The following ATP8A2 variants were observed in gnomAD, a reference collection of about 807,000 sequenced individuals.
ATP8A2 encodes the protein ATPase phospholipid transporting 8A2.
A neutral mutation model predicts 165.6 loss-of-function variants in ATP8A2; 100 were observed. The ratio of observed to expected loss-of-function variants is 0.60; its 90% CI spans 0.51 to 0.71. ATP8A2 has a LOEUF of 0.71. Among genes scored for constraint, ATP8A2 ranks in the 30% least tolerant of loss-of-function variants. The probability of loss-of-function intolerance (pLI) is 0.00; values close to 1 mark genes in which losing one functional copy is unlikely to be tolerated. For synonymous variants in ATP8A2, 543 were observed against 548.8 expected (o/e 0.99, Z 0.15); for missense variants, 1,227 against 1,479.5 (o/e 0.83, Z 2.80).
intron 27 of ATP8A2, among the ~76,000 whole-genome samples, chr13:25,792,704 C>T (rs368246777): frequency 7.3e-5 from 11 of 151,438 alleles, no homozygotes; most frequent in Admixed American, 2.6e-4. Flanking sequence ...TCAGCCTAGG[C>T]GTTCAAGAGC....
At chr13:25,818,337 A>G (rs1390435447) in intron 27 of ATP8A2, among the ~76,000 whole-genome samples, 2 of 152,218 alleles carry the variant, frequency 1.3e-5, no homozygotes, top group Non-Finnish European at 2.9e-5. Flanking sequence ...ATTTTGTTCA[A>G]GTGACCATCT....
rs564532915 is a variant in ATP8A2 at position 25,689,748 on chromosome 13, G to A, written c.2212-9425G>A. Among the ~76,000 whole-genome samples, 327 of 152,262 alleles carry A rather than the reference G, an allele frequency of 2.1e-3. 2 individuals are homozygous for A. Among genetic ancestry groups the A allele is most frequent in the Admixed American group, 4.3e-3 (66 of 15,306 alleles). On this transcript the variant is annotated intron_variant, in intron 24 of 36. Coordinates refer to ENST00000381655, the MANE Select transcript of ATP8A2 (RefSeq NM_016529.6). ...GAGATCCACTCTGGGCAAATGGTGT[G>A]ACAAGCAACTGTTCCGTGGGATTAT...
intron 2 of ATP8A2, among the ~76,000 whole-genome samples, chr13:25,487,857 T>TC (rs999908473): frequency 2.0e-5 from 3 of 152,062 alleles, no homozygotes; most frequent in Non-Finnish European, 4.4e-5. Context: ...CTTTTTTTTT[T>TC]TGTAATAGCC....
intron 33 of ATP8A2, chr13:25,944,915 T>A (rs1454014682): frequency 2.0e-5 from 3 of 152,196 alleles, no homozygotes; most frequent in African/African-American, 7.2e-5. Context: ...GAGCTTTATT[T>A]CCTTTATCTG....
intron 2 of ATP8A2, among the ~76,000 whole-genome samples, chr13:25,504,939 C>T (rs374263560): frequency 3.1e-4 from 47 of 152,018 alleles, no homozygotes; most frequent in East Asian, 1.2e-3. Context: ...CTATTAACTT[C>T]GGTTTGTATT....
intron 35 of ATP8A2, among the ~76,000 whole-genome samples, chr13:25,987,988 G>A (rs780411922): frequency 3.3e-5 from 5 of 152,224 alleles, no homozygotes; most frequent in African/African-American, 4.8e-5. Flanking sequence ...TTTGGATGAT[G>A]CAGTATTTTT....
At chr13:25,423,065 T>G (rs2034345115) in intron 1 of ATP8A2, among the ~76,000 whole-genome samples, 1 of 152,148 alleles carries the variant, frequency 6.6e-6, no homozygotes, top group Admixed American at 6.6e-5. Flanking sequence ...TTCACGTGTC[T>G]TCTTTCACTG....
intron 27 of ATP8A2, among the ~76,000 whole-genome samples, chr13:25,802,926 A>G (rs1950651302): frequency 6.6e-6 from 1 of 151,808 alleles, no homozygotes; most frequent in Admixed American, 6.6e-5. Context: ...ATAAAAACTA[A>G]TTTGTATGCT....
intron 33 of ATP8A2, among the ~76,000 whole-genome samples, chr13:25,915,961 T>A (rs1954257547): frequency 1.3e-5 from 2 of 152,270 alleles, no homozygotes; most frequent in African/African-American, 4.8e-5. Context: ...CAAGAAATTT[T>A]TCTTTTTTTC....
rs1395840083 is a variant in ATP8A2 at position 25,717,423 on chromosome 13, A to AAAAAAC, written c.2384+18083_2384+18084insCAAAAA. On this transcript the variant is annotated intron_variant, in intron 25 of 36. Coordinates refer to ENST00000381655, the MANE Select transcript of ATP8A2 (RefSeq NM_016529.6). ...CCATATGATCCTGAAAAAACTAAAA[A>AAAAAAC]AAAAAAAAAAAAACACCAAGGTAGG... Among the ~76,000 whole-genome samples, 65 of 151,332 alleles carry AAAAAAC rather than the reference A, an allele frequency of 4.3e-4. No individual in the cohort carries two copies. The East Asian group carries it at 0.01, about 24-fold the overall frequency.
At chr13:25,983,588 C>G (rs4770891) in intron 35 of ATP8A2, among the ~76,000 whole-genome samples, 12,109 of 152,158 alleles carry the variant, frequency 0.08, 489 homozygotes, top group South Asian at 0.12. Flanking sequence ...AGTTTTCTCC[C>G]TAATCTTCAG....
chr13:25,877,743 T>C (rs1471711519), intron 33 of ATP8A2, among the ~76,000 whole-genome samples: 1 of 152,230 alleles, frequency 6.6e-6, no homozygotes, highest in Non-Finnish European at 1.5e-5. Context: ...GAGACTCCTC[T>C]TAAGCTGTTT....
intron 23 of ATP8A2, among the ~76,000 whole-genome samples, chr13:25,584,622 T>G (rs2039869637): frequency 1.3e-5 from 2 of 152,194 alleles, no homozygotes; most frequent in Admixed American, 1.3e-4. Flanking sequence ...GAGGAGGAAA[T>G]TCTACATTTC....
At chr13:25,412,487 A>G (rs2033997013) in intron 1 of ATP8A2, among the ~76,000 whole-genome samples, 2 of 152,336 alleles carry the variant, frequency 1.3e-5, no homozygotes, top group African/African-American at 4.8e-5. Flanking sequence ...CTCAAACTAT[A>G]TTAGATGCTA....
intron 30 of ATP8A2, among the ~76,000 whole-genome samples, chr13:25,840,946 A>G (rs549554779): frequency 1.3e-5 from 2 of 152,224 alleles, no homozygotes; most frequent in Non-Finnish European, 2.9e-5. Flanking sequence ...AAGACCCCTT[A>G]CCACTTCTTA....
intron 33 of ATP8A2, among the ~76,000 whole-genome samples, chr13:25,876,335 AC>A (rs1952818739): frequency 6.6e-6 from 1 of 152,200 alleles, no homozygotes; most frequent in Non-Finnish European, 1.5e-5. Context: ...TATCCCCAGC[AC>A]AGCATCTTAA....
intron 2 of ATP8A2, among the ~76,000 whole-genome samples, chr13:25,500,927 C>G (rs1287488959): frequency 5.3e-5 from 8 of 152,148 alleles, no homozygotes; most frequent in Admixed American, 5.2e-4. Context: ...ATTTTTGAGG[C>G]ATGTAAATAT....
intron 27 of ATP8A2, among the ~76,000 whole-genome samples, chr13:25,823,569 CTTTTA>C (rs1293078536): frequency 6.6e-6 from 1 of 152,138 alleles, no homozygotes; most frequent in African/African-American, 2.4e-5. Flanking sequence ...TTGTAAACAT[CTTTTA>C]CTCTCTTTTG....
chr13:25,692,102 G>C (rs2042736913), intron 24 of ATP8A2, among the ~76,000 whole-genome samples: 1 of 152,182 alleles, frequency 6.6e-6, no homozygotes. Context: ...GCGATGGTGA[G>C]AAAAGACACA....
Sources: gnomAD v4.1 joint callset for allele counts (sites outside exome capture counted in the v4.1 genomes callset) on GRCh38, gnomAD v4.1.1 for gene constraint, MANE v1.5 for transcripts, NCBI Gene and HGNC (gene_info 2026-07-23, HGNC 2026-07-21) for gene names.